Variants in KIF26B observed in about 807,000 individuals in gnomAD.
KIF26B encodes kinesin-like protein KIF26B.
Under a neutral mutation model 151.2 loss-of-function variants are expected in KIF26B, and 63 were observed. That is an observed-to-expected ratio of 0.42 (90% CI 0.34 to 0.51). The LOEUF (loss-of-function observed/expected upper bound fraction) is 0.51, where lower values mean the gene tolerates loss of function less well. KIF26B is among the 20% of genes least tolerant of loss of function. KIF26B has a pLI of 0.07. For synonymous variants in KIF26B, 1,357 were observed against 1,262.1 expected, an observed-to-expected ratio of 1.08 and a Z score of -1.59; for missense variants, 2,813 against 2,913.6, an observed-to-expected ratio of 0.97 and a Z score of 0.79.
intron 4 of KIF26B, among the ~76,000 whole-genome samples, chr1:245,505,412 G>A (rs2103081180): frequency 6.6e-6 from 1 of 152,082 alleles, no homozygotes; most frequent in Non-Finnish European, 1.5e-5. Flanking sequence ...TTGAGAGGGA[G>A]TCTTGCTCTG....
At chr1:245,382,402 C>T (rs1673431784) in intron 3 of KIF26B, among the ~76,000 whole-genome samples, 1 of 152,170 alleles carries the variant, frequency 6.6e-6, no homozygotes. Context: ...TCAATTTCCT[C>T]TTCCATAGAA....
intron 10 of KIF26B, among the ~76,000 whole-genome samples, chr1:245,651,934 G>A (rs2044020488): frequency 6.6e-6 from 1 of 152,224 alleles, no homozygotes; most frequent in African/African-American, 2.4e-5. Flanking sequence ...CCATGGCATT[G>A]AATTCCCATC....
At chr1:245,276,765 C>T (rs796490502) in intron 2 of KIF26B, among the ~76,000 whole-genome samples, 10 of 152,258 alleles carry the variant, frequency 6.6e-5, no homozygotes, top group African/African-American at 2.4e-4. Flanking sequence ...AACTGGTTTC[C>T]GTATTTCTCA....
At position 245,687,506 on chromosome 1, in the gene KIF26B, G is replaced by A. The variant is rs1427427240; in HGVS notation, c.4523G>A (p.Arg1508Lys). 5.1e-6 allele frequency: 8 copies of A among 1,578,490 alleles called. No individual in the cohort carries two copies. In the African/African-American group the frequency reaches 9.4e-5, roughly 19 times the overall value. The part of the protein sequence containing the change: ...SASPVTDNFR[R>K]VVDGCEMALP... Reference sequence around the variant, plus strand: ...TCCCCGGTCACTGACAACTTCAGGAGGGTCGTGGATGGGTGTGAGATGGCC... The same window carrying A: ...TCCCCGGTCACTGACAACTTCAGGAAGGTCGTGGATGGGTGTGAGATGGCC... The change falls in exon 12 of 15, where the codon AGG becomes AAG. Residue 1508 changes from arginine (R) to lysine (K), a missense_variant. By Grantham distance (26) the Arg-to-Lys change is conservative. This residue lies in a region of KIF26B where 2,060 missense variants were observed against 2,088.6 expected (regional missense o/e 0.99). Transcript: ENST00000407071. This position sits in a 1 kb window ranked among gnomAD's most constrained non-coding sequence, Gnocchi z 4.9.
chr1:245,649,411 C>T (rs1352593894), intron 10 of KIF26B, among the ~76,000 whole-genome samples: 1 of 152,220 alleles, frequency 6.6e-6, no homozygotes, highest in Non-Finnish European at 1.5e-5. Context: ...TCGGAGCTGC[C>T]TTCACTGCGC....
chr1:245,217,395 C>T (rs868005422), intron 2 of KIF26B, among the ~76,000 whole-genome samples: 86 of 147,556 alleles, frequency 5.8e-4, no homozygotes, highest in African/African-American at 2.1e-3. Flanking sequence ...GACGGAGTCT[C>T]GCTCTGTTTC....
chr1:245,224,485 G>C (rs866041559), intron 2 of KIF26B, among the ~76,000 whole-genome samples: 1 of 152,198 alleles, frequency 6.6e-6, no homozygotes, highest in Non-Finnish European at 1.5e-5. Flanking sequence ...TCAGGTTTGC[G>C]TATGTGGCAG....
At chr1:245,272,731 G>A (rs1670874032) in intron 2 of KIF26B, among the ~76,000 whole-genome samples, 1 of 151,772 alleles carries the variant, frequency 6.6e-6, no homozygotes, top group Non-Finnish European at 1.5e-5. Context: ...TTTCATTTTT[G>A]TTTGTCTCAA....
rs372394194 is a variant in KIF26B, at chr1:245,543,516, C to T, written c.1350+2566C>T. Among the ~76,000 whole-genome samples the T allele has an allele frequency of 2.9e-4, 44 of 152,080 alleles. 1 individual carries two copies. In the South Asian group the frequency reaches 5.6e-3, roughly 19 times the overall value. On this transcript the variant is annotated intron_variant, in intron 5 of 14. Transcript: ENST00000407071. ...GCATCGGTCTGGGGTCACAGAACAT[C>T]ATAAGAGAAGGTGTGGCTTCCATCT...
At chr1:245,576,145 CAATT>C (rs1349309773) in intron 5 of KIF26B, among the ~76,000 whole-genome samples, 5 of 152,132 alleles carry the variant, frequency 3.3e-5, no homozygotes, top group African/African-American at 1.2e-4. Flanking sequence ...TGAAATATAA[CAATT>C]AAGCCTCAGA....
intron 5 of KIF26B, among the ~76,000 whole-genome samples, chr1:245,562,402 C>T (rs2042965283): frequency 6.6e-6 from 1 of 152,076 alleles, no homozygotes; most frequent in Non-Finnish European, 1.5e-5. Context: ...GAAATTTACC[C>T]AAAATTTCAT....
chr1:245,595,304 A>G (rs1267183787), intron 5 of KIF26B, among the ~76,000 whole-genome samples: 2 of 152,172 alleles, frequency 1.3e-5, no homozygotes, highest in Non-Finnish European at 2.9e-5. Context: ...TGGGTTTGTC[A>G]TAAATAGCTC....
chr1:245,461,193 A>G (rs555916772), intron 4 of KIF26B, among the ~76,000 whole-genome samples: 1 of 152,198 alleles, frequency 6.6e-6, no homozygotes, highest in South Asian at 2.1e-4. Flanking sequence ...CCAAAACAAC[A>G]TGTGGGGACT....
chr1:245,584,691 C>T (rs537194047), intron 5 of KIF26B, among the ~76,000 whole-genome samples: 16 of 152,208 alleles, frequency 1.1e-4, no homozygotes, highest in Non-Finnish European at 1.5e-4. Context: ...GATTCTATCG[C>T]GGGCAGTTTA....
Position 245,686,348 on chromosome 1 carries a change from C to T in KIF26B, c.3365C>T (p.Pro1122Leu), listed in dbSNP as rs1407203526. The change falls in exon 12 of 15, where the codon CCC (proline) becomes CTC (leucine). Residue 1122 changes from proline (P) to leucine (L), a missense_variant. Pro to Leu is a moderately conservative substitution (Grantham distance 98). Around this residue, in one of 3 missense-constraint regions of KIF26B, gnomAD observed 2,060 missense variants for 2,088.6 expected, o/e 0.99. Transcript: ENST00000407071. This position sits in a 1 kb window ranked among gnomAD's most constrained non-coding sequence, Gnocchi z 5.6. ...GVASRESLLQ[P>L]EVRTPPVGMS... ...GCGTCTAGGGAGTCCTTGCTGCAGCCCGAGGTGCGTACGCCCCCGGTTGGA... is the reference window on the plus strand; with the variant it reads ...GCGTCTAGGGAGTCCTTGCTGCAGCTCGAGGTGCGTACGCCCCCGGTTGGA... The T allele has an allele frequency of 1.2e-6, 2 of 1,613,334 alleles. No individual in the cohort carries two copies. Among genetic ancestry groups the T allele is most frequent in the Non-Finnish European group, 1.7e-6 (2 of 1,179,880 alleles).
intron 2 of KIF26B, among the ~76,000 whole-genome samples, chr1:245,233,929 C>G (rs937096382): frequency 6.6e-6 from 1 of 152,108 alleles, no homozygotes; most frequent in Admixed American, 6.5e-5. Context: ...CACCTGTAAT[C>G]CCAGCAATTT....
chr1:245,390,943 A>AAAAACAAAATAAAACAAAAC (rs1553270126), intron 3 of KIF26B, among the ~76,000 whole-genome samples: 1 of 118,412 alleles, frequency 8.4e-6, no homozygotes, highest in African/African-American at 4.1e-5. Flanking sequence ...AAAAAAAAAA[A>AAAAACAAAATAAAACAAAAC]AAAAAAAAAC....
intron 2 of KIF26B, among the ~76,000 whole-genome samples, chr1:245,233,400 T>C (rs1670038111): frequency 6.6e-6 from 1 of 152,234 alleles, no homozygotes; most frequent in African/African-American, 2.4e-5. Context: ...TTCTCTGTCC[T>C]CATCCTTAGT....
intron 3 of KIF26B, among the ~76,000 whole-genome samples, chr1:245,417,272 A>G (rs1043786346): frequency 6.6e-6 from 1 of 151,198 alleles, no homozygotes; most frequent in Admixed American, 6.6e-5. Context: ...TTTTCTATAT[A>G]TCACATTTTT....
Sources: allele counts gnomAD v4.1 joint callset (sites outside exome capture counted in the v4.1 genomes callset), GRCh38; gene constraint gnomAD v4.1.1; regional missense constraint gnomAD v4.1.1; non-coding constraint Gnocchi (gnomAD v3.1); transcripts MANE v1.5; gene names NCBI Gene and HGNC (gene_info 2026-07-23, HGNC 2026-07-21).